Variants in ANKS1B observed in about 807,000 individuals in gnomAD.
ANKS1B encodes the protein ankyrin repeat and sterile alpha motif domain containing 1B.
ANKS1B carries 36 observed loss-of-function variants against 148.3 expected under a neutral mutation model. That is an observed-to-expected ratio of 0.24 (90% confidence interval 0.19 to 0.32). ANKS1B has a LOEUF of 0.32. Ranked by LOEUF, ANKS1B falls within the 10% of genes least tolerant of loss-of-function variation. The probability of loss-of-function intolerance (pLI) is 1.00; values close to 1 mark genes in which losing one functional copy is unlikely to be tolerated. For synonymous variants in ANKS1B, 542 were observed against 560.8 expected (o/e 0.97, Z 0.47); for missense variants, 1,157 against 1,542.6 (o/e 0.75, Z 4.19).
chr12:99,771,285 T>C (rs910110474), intron 8 of ANKS1B, among the ~76,000 whole-genome samples: 1 of 152,020 alleles, frequency 6.6e-6, no homozygotes, highest in African/African-American at 2.4e-5. Flanking sequence ...AGTCTATATA[T>C]ATATAATTTA....
intron 4 of ANKS1B, among the ~76,000 whole-genome samples, chr12:99,782,386 C>G (rs1394066158): frequency 6.6e-6 from 1 of 152,082 alleles, no homozygotes; most frequent in African/African-American, 2.4e-5. Flanking sequence ...ATGGCAAAAC[C>G]CCGTCTCTAC....
At chr12:99,765,535 T>G (rs1393884342) in intron 8 of ANKS1B, among the ~76,000 whole-genome samples, 1 of 152,190 alleles carries the variant, frequency 6.6e-6, no homozygotes, top group Non-Finnish European at 1.5e-5. Context: ...TTCTATGTTT[T>G]TACCTTGAGC....
intron 8 of ANKS1B, among the ~76,000 whole-genome samples, chr12:99,713,422 T>C (rs1031482152): frequency 6.6e-6 from 1 of 152,174 alleles, no homozygotes; most frequent in African/African-American, 2.4e-5. Context: ...TTAACAGTTC[T>C]TCCCTTAATC....
intron 14 of ANKS1B, among the ~76,000 whole-genome samples, chr12:99,222,275 A>G (rs1307069831): frequency 6.6e-6 from 1 of 152,100 alleles, no homozygotes; most frequent in Non-Finnish European, 1.5e-5. Flanking sequence ...TTATAGGGAG[A>G]TTTGCTTCAC....
intron 16 of ANKS1B, among the ~76,000 whole-genome samples, chr12:99,069,237 C>G (rs1267071880): frequency 6.6e-6 from 1 of 152,132 alleles, no homozygotes; most frequent in South Asian, 2.1e-4. Flanking sequence ...TCTCGGGACA[C>G]AAGGTAATTG....
chr12:98,798,504 C>A lies in ANKS1B; in HGVS notation c.3342+430G>T, dbSNP rs542033914. 3.3e-5 allele frequency among the ~76,000 whole-genome samples: 5 copies of A among 149,496 alleles called. No homozygotes were observed. The South Asian group carries it at 1.1e-3, about 31-fold the overall frequency. ...AATTTAAAAAAATAAAAAAAAAAAA[C>A]TGAGTAAGAAATTGCATAAAGAATA... On this transcript the variant is annotated intron_variant, in intron 22 of 26. Transcript: ENST00000683438.
chr12:98,794,589 A>T lies in ANKS1B; in HGVS notation c.3342+4345T>A, dbSNP rs1424528188. On this transcript the variant is annotated intron_variant, in intron 22 of 26. Transcript: ENST00000683438. Reference sequence around the variant, plus strand: ...AGGTGTTCAGATTTTGTAAATCTAAATGTCATTAAAAACTTTAAAAAGAAG... The same window carrying T: ...AGGTGTTCAGATTTTGTAAATCTAATTGTCATTAAAAACTTTAAAAAGAAG... 3.9e-6 allele frequency: 3 copies of T among 770,332 alleles called. No homozygotes were observed. The East Asian group carries it at 7.4e-5, about 19-fold the overall frequency. The allele number at this position is 770,332 out of a possible 1,614,324, so 47.7% of individuals were successfully genotyped here. A position where few individuals can be genotyped will look rare whatever the true frequency, so the allele number is the denominator to read the frequency against.
intron 12 of ANKS1B, among the ~76,000 whole-genome samples, chr12:99,374,481 T>C (rs1363862843): frequency 6.6e-6 from 1 of 152,196 alleles, no homozygotes; most frequent in Non-Finnish European, 1.5e-5. Flanking sequence ...CCAGGGTGCA[T>C]TCCCATCTTG....
chr12:99,703,417 C>T (rs982981375), intron 8 of ANKS1B, among the ~76,000 whole-genome samples: 3 of 152,118 alleles, frequency 2.0e-5, no homozygotes, highest in African/African-American at 4.8e-5. Context: ...GCATCCATTG[C>T]TCTTCTCAAA....
chr12:99,610,690 T>C (rs1228221859), intron 9 of ANKS1B, among the ~76,000 whole-genome samples: 2 of 152,092 alleles, frequency 1.3e-5, no homozygotes, highest in Non-Finnish European at 2.9e-5. Context: ...AGTACCATAC[T>C]TTAAGAAATA....
intron 17 of ANKS1B, among the ~76,000 whole-genome samples, chr12:98,836,730 C>T (rs960499186): frequency 2.0e-5 from 3 of 152,088 alleles, no homozygotes; most frequent in East Asian, 1.9e-4. Flanking sequence ...TCTGTGTTTT[C>T]GTTACTGTTT....
intron 9 of ANKS1B, among the ~76,000 whole-genome samples, chr12:98,738,551 A>G (rs1468525013): frequency 6.6e-6 from 1 of 152,188 alleles, no homozygotes; most frequent in Non-Finnish European, 1.5e-5. Context: ...TTATCTTCAC[A>G]GAAGTTGAGT....
chr12:99,920,510 T>C (rs2094319132), intron 1 of ANKS1B, among the ~76,000 whole-genome samples: 1 of 151,906 alleles, frequency 6.6e-6, no homozygotes, highest in South Asian at 2.1e-4. Context: ...CATATATACA[T>C]ATATGGAGAT....
At chr12:99,374,816 G>C (rs2152485327) in intron 12 of ANKS1B, among the ~76,000 whole-genome samples, 1 of 152,220 alleles carries the variant, frequency 6.6e-6, no homozygotes, top group South Asian at 2.1e-4. Context: ...GGGTTTCAAT[G>C]TGAATTTGTT....
chr12:99,423,857 G>A (rs1022696034), intron 11 of ANKS1B, among the ~76,000 whole-genome samples: 1 of 152,076 alleles, frequency 6.6e-6, no homozygotes. Flanking sequence ...GGTGGGAGGA[G>A]GGAGAGGATC....
intron 1 of ANKS1B, among the ~76,000 whole-genome samples, chr12:99,971,104 T>C (rs1428651376): frequency 2.6e-5 from 4 of 152,232 alleles, no homozygotes; most frequent in Non-Finnish European, 5.9e-5. Flanking sequence ...TGGATAACAC[T>C]TGGCTCAATG....
At chr12:98,951,748 A>C (rs2099854396) in intron 17 of ANKS1B, among the ~76,000 whole-genome samples, 1 of 152,110 alleles carries the variant, frequency 6.6e-6, no homozygotes, top group Non-Finnish European at 1.5e-5. Flanking sequence ...CAAGGCCTTC[A>C]TCCCATCTCT....
intron 15 of ANKS1B, among the ~76,000 whole-genome samples, chr12:99,135,355 G>A (rs867308763): frequency 6.6e-6 from 1 of 152,074 alleles, no homozygotes; most frequent in African/African-American, 2.4e-5. Flanking sequence ...AGATAGAAAT[G>A]ATCAAAGAAA....
intron 1 of ANKS1B, among the ~76,000 whole-genome samples, chr12:99,920,082 C>T (rs1029602911): frequency 2.0e-5 from 3 of 152,126 alleles, no homozygotes; most frequent in Non-Finnish European, 4.4e-5. Context: ...ATGTTCTTCC[C>T]TCCCAGTCTT....
Sources: allele counts gnomAD v4.1 joint callset (sites outside exome capture counted in the v4.1 genomes callset), GRCh38; gene constraint gnomAD v4.1.1; transcripts MANE v1.5; gene names NCBI Gene and HGNC (gene_info 2026-07-23, HGNC 2026-07-21).